The following CDV3 variants were observed in gnomAD, a reference collection of about 807,000 sequenced individuals.
CDV3 encodes CDV3 homolog, also known as protein CDV3 homolog.
In CDV3, 14 loss-of-function variants were observed where a neutral mutation model predicts 24.5. That is an observed-to-expected ratio of 0.57 (90% CI 0.38 to 0.89). The LOEUF is 0.89. Among genes scored for constraint, CDV3 ranks in the 40% least tolerant of loss-of-function variants. The probability of loss-of-function intolerance (pLI) is 0.00; values close to 1 mark genes in which losing one functional copy is unlikely to be tolerated. For synonymous variants in CDV3, 114 were observed against 114.1 expected (o/e 1.00, Z 0.00); for missense variants, 304 against 310.2 (o/e 0.98, Z 0.15).
intron 4 of CDV3, chr3:133,587,442 C>G (rs77613106): frequency 8.6e-7 from 1 of 1,157,776 alleles, no homozygotes; most frequent in East Asian, 4.1e-5. Flanking sequence ...TCACCACACT[C>G]GAGTTTCTTT....
chr3:133,576,510 C>T (rs1050235998), intron 2 of CDV3, among the ~76,000 whole-genome samples: 6 of 151,894 alleles, frequency 4.0e-5, no homozygotes, highest in African/African-American at 1.2e-4. Flanking sequence ...TTCTTGAAAA[C>T]GTGAGTGACT....
chr3:133,584,161 T>C lies in CDV3; in HGVS notation c.466+11T>C. 1 of 1,579,586 alleles carries C rather than the reference T, an allele frequency of 6.3e-7. No individual in the cohort carries two copies. The highest frequency in any genetic ancestry group is 8.6e-7 in the Non-Finnish European group (1 of 1,163,330). The stretch of plus-strand genomic sequence containing the variant: ...CTGCTCCAGTAATTGGTAATTTTAC[T>C]ATTTCAGTTTCAGAAAGATGTCTAA... On this transcript the variant is annotated intron_variant, in intron 3 of 4. Transcript: ENST00000264993.
intron 2 of CDV3, among the ~76,000 whole-genome samples, chr3:133,579,016 A>T (rs912207113): frequency 6.6e-6 from 1 of 152,230 alleles, no homozygotes; most frequent in African/African-American, 2.4e-5. Flanking sequence ...ATTAAAAGGT[A>T]ATGTGAAATA....
rs1039532589 is a variant in CDV3 at position 133,574,010 on chromosome 3, C to T, written c.-35C>T. ...GAGCCCCGCGGGCCGCGCCCGCCGC[C>T]GGCCCCACCCATCCGGGTCGAGGAG... On this transcript the variant is annotated 5_prime_UTR_variant, in exon 1 of 5. Coordinates refer to ENST00000264993, the MANE Select transcript of CDV3 (RefSeq NM_017548.5). 4.8e-6 allele frequency: 5 copies of T among 1,046,924 alleles called. No homozygotes were observed. Among genetic ancestry groups the T allele is most frequent in the Admixed American group, 5.3e-5 (1 of 18,984 alleles). 64.9% of individuals were successfully genotyped at this position (1,046,924 alleles called of 1,614,324 possible).
chr3:133,586,461 ATTG>A, intron 3 of CDV3, 99 bp from the exon 4 acceptor site: 1 of 663,710 alleles, frequency 1.5e-6, no homozygotes, highest in South Asian at 2.0e-5. Flanking sequence ...AGACCCTGGT[ATTG>A]TTTTTTCTAT....
intron 3 of CDV3, 93 bp downstream of exon 3, chr3:133,584,243 G>A: frequency 1.1e-6 from 1 of 903,584 alleles, no homozygotes; most frequent in Non-Finnish European, 1.7e-6. Flanking sequence ...TTGTGGTAGG[G>A]TGAGGAGGAG....
Position 133,588,483 on chromosome 3 carries a change from C to T in CDV3, c.*437C>T. On this transcript the variant is annotated 3_prime_UTR_variant, in exon 5 of 5. Coordinates refer to ENST00000264993, the MANE Select transcript of CDV3 (RefSeq NM_017548.5). The stretch of plus-strand genomic sequence containing the variant: ...GATGTGAACCTTGCAACCAGCTCTA[C>T]TGGATTCTTATCAGAAATCCTGCAT... 3.0e-6 allele frequency: 3 copies of T among 992,672 alleles called. No homozygotes were observed. The highest frequency in any genetic ancestry group is 2.9e-5 in the South Asian group (2 of 68,850). The allele number at this position is 992,672 out of a possible 1,614,324, so 61.5% of individuals were successfully genotyped here. A position where few individuals can be genotyped will look rare whatever the true frequency, so the allele number is the denominator to read the frequency against.
intron 4 of CDV3, chr3:133,587,578 T>C: frequency 1.8e-6 from 2 of 1,112,738 alleles, no homozygotes; most frequent in Non-Finnish European, 2.2e-6. Flanking sequence ...TATTATCTAT[T>C]ACTTGCTAAA....
Position 133,573,956 on chromosome 3 carries a change from G to A in CDV3, c.-89G>A, listed in dbSNP as rs1232865744. ...GGCGTCGCCGCGCCCGGCAGCGTGA[G>A]CGCAGAGCCGGCCTCGACCCCGAGC... On this transcript the variant is annotated 5_prime_UTR_variant, in exon 1 of 5. Coordinates refer to ENST00000264993, the MANE Select transcript of CDV3 (RefSeq NM_017548.5). 2 of 983,820 alleles carry A rather than the reference G, an allele frequency of 2.0e-6. No homozygotes were observed. Among genetic ancestry groups the A allele is most frequent in the South Asian group, 4.7e-5 (1 of 21,308 alleles). The allele number at this position is 983,820 out of a possible 1,614,324, so 60.9% of individuals were successfully genotyped here.
intron 2 of CDV3, 25 bp downstream of exon 2, chr3:133,575,140 T>A: frequency 7.8e-7 from 1 of 1,275,574 alleles, no homozygotes; most frequent in Non-Finnish European, 1.1e-6. Flanking sequence ...CAAATGTGTT[T>A]AGATAACCTT....
rs146802459 is a variant in CDV3, at chr3:133,588,438, G to A, written c.*392G>A. ...GTGGATCACAACTTCTGGATAAGAA[G>A]ATTACAACTATTAAGTGTCGATGTG... On this transcript the variant is annotated 3_prime_UTR_variant, in exon 5 of 5. Transcript: ENST00000264993. The A allele has an allele frequency of 7.3e-7, 1 of 1,373,678 alleles. No individual in the cohort carries two copies. The highest frequency in any genetic ancestry group is 2.0e-5 in the Admixed American group (1 of 50,400). 85.1% of individuals were successfully genotyped at this position (1,373,678 alleles called of 1,614,324 possible).
intron 3 of CDV3, among the ~76,000 whole-genome samples, chr3:133,584,647 C>G (rs981926177): frequency 3.3e-5 from 5 of 152,090 alleles, no homozygotes; most frequent in African/African-American, 1.2e-4. Flanking sequence ...GACAGAAAGA[C>G]AAGGGGCCCT....
In CDV3 at chr3:133,588,306, A is replaced by G. The variant is rs1217669198; in HGVS notation, c.*260A>G. The G allele has an allele frequency of 6.5e-7, 1 of 1,537,548 alleles. No homozygotes were observed. Among genetic ancestry groups the G allele is most frequent in the Admixed American group, 2.0e-5 (1 of 50,976 alleles). ...CATATTTACTCTGCAAATACAAAAA[A>G]CCAAAACCTGCAGCCAGTGGTCATT... On this transcript the variant is annotated 3_prime_UTR_variant, in exon 5 of 5. Transcript: ENST00000264993.
At position 133,574,487 on chromosome 3, in the gene CDV3, C is replaced by T. The variant is rs1046127239; in HGVS notation, c.240+203C>T. The T allele has an allele frequency of 9.1e-6, 9 of 986,290 alleles. No individual in the cohort carries two copies. The South Asian group carries it at 1.4e-4, about 15-fold the overall frequency. The allele number at this position is 986,290 out of a possible 1,614,324, so 61.1% of individuals were successfully genotyped here. A position where few individuals can be genotyped will look rare whatever the true frequency, so the allele number is the denominator to read the frequency against. ...TTCCGATATCCGCGGTGGAGCCGCC[C>T]TTCCCACCCCGCGTCGCTCGGCGTT... On this transcript the variant is annotated intron_variant, in intron 1 of 4. Transcript: ENST00000264993.
chr3:133,579,195 T>C (rs554614184), intron 2 of CDV3, among the ~76,000 whole-genome samples: 2 of 152,302 alleles, frequency 1.3e-5, no homozygotes, highest in South Asian at 2.1e-4. Flanking sequence ...GTAGTAGATA[T>C]TCAGTAAGTC....
At chr3:133,576,841 C>CTTTTTTTTTTT (rs370619351) in intron 2 of CDV3, among the ~76,000 whole-genome samples, 7,945 of 62,166 alleles carry the variant, frequency 0.13, 2,785 homozygotes, top group East Asian at 0.21. Context: ...GGTAGACTAG[C>CTTTTTTTTTTT]TTTTTTTTTT....
intron 2 of CDV3, among the ~76,000 whole-genome samples, chr3:133,576,841 C>CTTTTTTTTTTTTTTTT (rs370619351): frequency 0.013 from 782 of 62,374 alleles, 252 homozygotes; most frequent in Non-Finnish European, 0.013. Context: ...GGTAGACTAG[C>CTTTTTTTTTTTTTTTT]TTTTTTTTTT....
At chr3:133,585,063 T>C (rs1327431487) in intron 3 of CDV3, among the ~76,000 whole-genome samples, 1 of 152,200 alleles carries the variant, frequency 6.6e-6, no homozygotes, top group Non-Finnish European at 1.5e-5. Flanking sequence ...ATTTTTATTT[T>C]TATATTTTTT....
In CDV3 at chr3:133,587,715, C is replaced by T. The variant is rs930074509; in HGVS notation, c.627-181C>T. 2.9e-6 allele frequency: 4 copies of T among 1,389,294 alleles called. No individual in the cohort carries two copies. In the African/African-American group the frequency reaches 4.4e-5, roughly 15 times the overall value. The allele number at this position is 1,389,294 out of a possible 1,614,324, so 86.1% of individuals were successfully genotyped here. A position where few individuals can be genotyped will look rare whatever the true frequency, so the allele number is the denominator to read the frequency against. ...GACCCTAGAGCTTCAATACAGCGTTCTGTGTTTTCTGTTTGAATTGAAGCC... is the reference window on the plus strand; with the variant it reads ...GACCCTAGAGCTTCAATACAGCGTTTTGTGTTTTCTGTTTGAATTGAAGCC... On this transcript the variant is annotated intron_variant, in intron 4 of 4. Transcript: ENST00000264993.
Sources: gnomAD v4.1 joint callset for allele counts (sites outside exome capture counted in the v4.1 genomes callset) on GRCh38, gnomAD v4.1.1 for gene constraint, MANE v1.5 for transcripts, NCBI Gene and HGNC (gene_info 2026-07-23, HGNC 2026-07-21) for gene names.